Variants in COX18 observed in about 807,000 individuals in gnomAD.
COX18 encodes the protein cytochrome c oxidase assembly factor COX18, also known as cytochrome c oxidase assembly protein COX18, mitochondrial.
In COX18, 45 loss-of-function variants were observed where a neutral mutation model predicts 38.0. That is an observed-to-expected ratio of 1.18 (90% CI 0.93 to 1.52). COX18 has a LOEUF of 1.52. Among genes scored for constraint, COX18 ranks in the 40% most tolerant of loss-of-function variants. COX18 has a pLI of 0.00. For synonymous variants in COX18, 177 were observed against 169.8 expected (o/e 1.04, Z -0.33); for missense variants, 462 against 423.8 (o/e 1.09, Z -0.79).
At position 73,058,124 on chromosome 4, in the gene COX18, G is replaced by T; in HGVS notation, c.995C>A (p.Ser332Ter). ...IFAAFNTKFI[S>*]RK is the part of the protein sequence containing the mutation. ...TTATTGGAAAATATGTCATTTTCTT[G>T]AAATGAACTTGGTATTAAAGGCAGC... is the stretch of plus-strand genomic sequence containing the variant. Residue 332 changes from serine to a stop codon, truncating the protein, a stop_gained, in exon 6 of 6, where the codon TCA (serine) becomes TAA (stop). Transcript: ENST00000507544. LOFTEE classifies it high-confidence loss of function. 1 of 1,579,750 alleles carries T rather than the reference G, an allele frequency of 6.3e-7. No homozygotes were observed. Among genetic ancestry groups the T allele is most frequent in the Non-Finnish European group, 8.6e-7 (1 of 1,159,634 alleles).
intron 2 of COX18, among the ~76,000 whole-genome samples, chr4:73,066,222 CTAGACACCTGCATAT>C: frequency 6.6e-6 from 1 of 152,356 alleles, no homozygotes; most frequent in East Asian, 1.9e-4. Flanking sequence ...CGTTACTCCT[CTAGACACCTGCATAT>C]TCTGGTCTGA....
rs1467714383 is a variant in COX18 at position 73,053,928 on chromosome 4, CTAATGGTA to C, written c.*4178_*4185del. ...TAATATACTTTTGAACTCAGGTATC[CTAATGGTA>C]TAAATACTATAAATTGATCCAGGAG... On this transcript the variant is annotated 3_prime_UTR_variant, in exon 6 of 6. Transcript: ENST00000507544. The C allele has an allele frequency of 6.6e-6, 1 of 152,154 alleles. No individual in the cohort carries two copies. Among genetic ancestry groups the C allele is most frequent in the African/African-American group, 2.4e-5 (1 of 41,430 alleles). 9.4% of individuals were successfully genotyped at this position (152,154 alleles called of 1,614,324 possible).
At chr4:73,059,435 C>A (rs1010632768) in intron 5 of COX18, among the ~76,000 whole-genome samples, 1 of 152,162 alleles carries the variant, frequency 6.6e-6, no homozygotes, top group African/African-American at 2.4e-5. Flanking sequence ...GAGTGGTATG[C>A]AAGTATGTGG....
intron 1 of COX18, chr4:73,068,492 C>A: frequency 5.8e-6 from 1 of 173,752 alleles, no homozygotes; most frequent in Admixed American, 5.6e-5. Flanking sequence ...GAGAAAACAG[C>A]AGTTTGTTAA....
At chr4:73,064,399 C>T (rs866359097) in intron 4 of COX18, among the ~76,000 whole-genome samples, 5 of 152,142 alleles carry the variant, frequency 3.3e-5, no homozygotes, top group African/African-American at 7.2e-5. Context: ...TTGTGTTCTC[C>T]GCCTACAAAT....
chr4:73,063,507 C>CA (rs1197527438), intron 4 of COX18, among the ~76,000 whole-genome samples: 2 of 152,186 alleles, frequency 1.3e-5, no homozygotes, highest in African/African-American at 4.8e-5. Flanking sequence ...CCTCCTGACT[C>CA]AGCTTCCAAG....
chr4:73,064,210 G>A (rs909004188), intron 4 of COX18, among the ~76,000 whole-genome samples: 4 of 151,012 alleles, frequency 2.6e-5, no homozygotes, highest in African/African-American at 4.9e-5. Context: ...CCAAGACTGC[G>A]CCATTACACT....
chr4:73,058,465 CA>C (rs1720001741), intron 5 of COX18, among the ~76,000 whole-genome samples, 178 bp from the exon 6 acceptor site: 1 of 151,924 alleles, frequency 6.6e-6, no homozygotes, highest in Non-Finnish European at 1.5e-5. Flanking sequence ...AGGTTACAGA[CA>C]GACCAAAAAG....
At chr4:73,062,605 G>A (rs764384799) in intron 4 of COX18, among the ~76,000 whole-genome samples, 1 of 152,198 alleles carries the variant, frequency 6.6e-6, no homozygotes, top group African/African-American at 2.4e-5. Flanking sequence ...CAGGCAGGCC[G>A]ATTGTTTGAG....
rs1467755471 is a variant in COX18, at chr4:73,058,115, C to A, written c.1004G>T (p.Ter335LeuextTer5). The A allele has an allele frequency of 1.9e-6, 3 of 1,570,922 alleles. No individual in the cohort carries two copies. In the South Asian group the frequency reaches 3.5e-5, roughly 18 times the overall value. ...GTTTCAAAATTATTGGAAAATATGT[C>A]ATTTTCTTGAAATGAACTTGGTATT... The part of the protein sequence containing the change: ...AFNTKFISRK[*>L] Residue 335 changes from the stop codon to leucine (L), a stop_lost, in exon 6 of 6, where the codon TGA becomes TTA. Transcript: ENST00000507544.
At chr4:73,069,202 A>G in intron 1 of COX18, 115 bp downstream of exon 1, 8 of 741,464 alleles carry the variant, frequency 1.1e-5, no homozygotes, top group Non-Finnish European at 1.7e-5. Context: ...CGATGATTAA[A>G]CACTAAGCAC....
In COX18 at chr4:73,053,391, G is replaced by C. The variant is rs2110039007; in HGVS notation, c.*4723C>G. 1 of 152,232 alleles carries C rather than the reference G, an allele frequency of 6.6e-6. No homozygotes were observed. Among genetic ancestry groups the C allele is most frequent in the African/African-American group, 2.4e-5 (1 of 41,522 alleles). 9.4% of individuals were successfully genotyped at this position (152,232 alleles called of 1,614,324 possible). A position where few individuals can be genotyped will look rare whatever the true frequency, so the allele number is the denominator to read the frequency against. ...GAATGGGGTATATAACCTTACAAGGGGGATAATGAAACTTACGCGATGTCT... is the reference window on the plus strand; with the variant it reads ...GAATGGGGTATATAACCTTACAAGGCGGATAATGAAACTTACGCGATGTCT... On this transcript the variant is annotated 3_prime_UTR_variant, in exon 6 of 6. Transcript: ENST00000507544.
At chr4:73,060,018 G>T (rs372389911) in intron 5 of COX18, among the ~76,000 whole-genome samples, 2 of 152,148 alleles carry the variant, frequency 1.3e-5, no homozygotes, top group African/African-American at 4.8e-5. Flanking sequence ...TCCTTAAAAG[G>T]GGCTGACTGC....
intron 2 of COX18, among the ~76,000 whole-genome samples, chr4:73,066,013 A>G (rs942920741): frequency 6.6e-6 from 1 of 152,344 alleles, no homozygotes; most frequent in Middle Eastern, 3.4e-3. Context: ...TTAAAAAACA[A>G]AAACTAAAGT....
Position 73,058,076 on chromosome 4 carries a change from T to G in COX18, c.*38A>C, listed in dbSNP as rs766101233. On this transcript the variant is annotated 3_prime_UTR_variant, in exon 6 of 6. Transcript: ENST00000507544. ...AAGTCTAAATACATTTAGATGATAG[T>G]GACTCCTGCAACTGTTTCAAAATTA... 7.5e-6 allele frequency: 10 copies of G among 1,338,446 alleles called. No homozygotes were observed. The South Asian group carries it at 7.9e-5, about 11-fold the overall frequency. The allele number at this position is 1,338,446 out of a possible 1,614,324, so 82.9% of individuals were successfully genotyped here.
At position 73,054,379 on chromosome 4, in the gene COX18, C is replaced by T. The variant is rs1719817889; in HGVS notation, c.*3735G>A. The stretch of plus-strand genomic sequence containing the variant: ...TTTGCTCTTTACTAAAAAAAATCTG[C>T]CTGAAGAAAAAAATCAAGAGTATTT... On this transcript the variant is annotated 3_prime_UTR_variant, in exon 6 of 6. Coordinates refer to ENST00000507544, the MANE Select transcript of COX18 (RefSeq NM_001297732.2). 6.6e-6 allele frequency: 1 copy of T among 152,122 alleles called. No homozygotes were observed. Among genetic ancestry groups the T allele is most frequent in the African/African-American group, 2.4e-5 (1 of 41,420 alleles). The allele number at this position is 152,122 out of a possible 1,614,324, so 9.4% of individuals were successfully genotyped here. A position where few individuals can be genotyped will look rare whatever the true frequency, so the allele number is the denominator to read the frequency against.
intron 2 of COX18, among the ~76,000 whole-genome samples, 161 bp downstream of exon 2, chr4:73,067,864 AATAT>A (rs1377330345): frequency 5.0e-5 from 1 of 20,010 alleles, no homozygotes; most frequent in African/African-American, 9.1e-5. Flanking sequence ...AAAAAAAAAA[AATAT>A]ATATATATAT....
intron 1 of COX18, 40 bp downstream of exon 1, chr4:73,069,277 G>A: frequency 2.1e-6 from 3 of 1,405,892 alleles, no homozygotes; most frequent in Non-Finnish European, 2.8e-6. Context: ...CGCCGCAGGG[G>A]TTGCAGCGCA....
intron 4 of COX18, among the ~76,000 whole-genome samples, chr4:73,062,604 CGATT>C (rs981976520): frequency 6.6e-6 from 1 of 151,942 alleles, no homozygotes; most frequent in Admixed American, 6.6e-5. Flanking sequence ...CCAGGCAGGC[CGATT>C]GTTTGAGCTC....
Sources: gnomAD v4.1 joint callset for allele counts (sites outside exome capture counted in the v4.1 genomes callset) on GRCh38, gnomAD v4.1.1 for gene constraint, MANE v1.5 for transcripts, NCBI Gene and HGNC (gene_info 2026-07-23, HGNC 2026-07-21) for gene names.